FBXL7: variants seen among roughly 807,000 people sequenced by gnomAD.
The protein encoded by FBXL7 is F-box/LRR-repeat protein 7.
FBXL7 carries 12 observed loss-of-function variants against 38.3 expected under a neutral mutation model. That is an observed-to-expected ratio of 0.31 (90% CI 0.20 to 0.51). The LOEUF is 0.51. Ranked by LOEUF, FBXL7 falls within the 20% of genes least tolerant of loss-of-function variation. The pLI, the probability that FBXL7 is intolerant of heterozygous loss-of-function variation, is 0.98. For missense variants in FBXL7, 567 were observed against 676.4 expected (o/e 0.84, Z 1.79); for synonymous variants, 297 against 300.9 (o/e 0.99, Z 0.13).
intron 1 of FBXL7, among the ~76,000 whole-genome samples, chr5:15,543,911 G>A (rs1485659987): frequency 6.6e-6 from 1 of 152,160 alleles, no homozygotes; most frequent in East Asian, 1.9e-4. Context: ...CAGTTGATGA[G>A]GTAGGAGGCA....
At position 15,500,238 on chromosome 5, in the gene FBXL7, C is replaced by T. The variant is rs1158673151; in HGVS notation, c.-439C>T. 6.6e-6 allele frequency: 1 copy of T among 151,936 alleles called. No individual in the cohort carries two copies. Among genetic ancestry groups the T allele is most frequent in the Admixed American group, 6.6e-5 (1 of 15,256 alleles). The allele number at this position is 151,936 out of a possible 1,614,324, so 9.4% of individuals were successfully genotyped here. On this transcript the variant is annotated 5_prime_UTR_variant, in exon 1 of 4. Transcript: ENST00000504595. ...CCGCAACAAGTGGCCGCCGCGCCCT[C>T]CCCGGGGAAGCCGCGGGCGCGCAGG...
At chr5:15,634,647 A>T (rs1183852491) in intron 2 of FBXL7, among the ~76,000 whole-genome samples, 1 of 152,166 alleles carries the variant, frequency 6.6e-6, no homozygotes, top group Admixed American at 6.5e-5. Context: ...TGATGCTACT[A>T]TAACAAATGA....
At chr5:15,559,999 G>A (rs1240816048) in intron 1 of FBXL7, among the ~76,000 whole-genome samples, 1 of 152,122 alleles carries the variant, frequency 6.6e-6, no homozygotes, top group Non-Finnish European at 1.5e-5. Context: ...ATGATTGTTA[G>A]GTACATGCCT....
rs1049496926 is a variant in FBXL7 at position 15,500,372 on chromosome 5, T to C, written c.-305T>C. 5.1e-3 allele frequency: 839 copies of C among 164,310 alleles called. 9 individuals are homozygous for C. The highest frequency in any genetic ancestry group is 0.019 in the African/African-American group (808 of 41,548). The allele number at this position is 164,310 out of a possible 1,614,324, so 10.2% of individuals were successfully genotyped here. ...TGGGGACCCGGCGGCGGCGGCGCGG[T>C]GAGCCTCTGGGCGGCCCCGGGGCGC... On this transcript the variant is annotated 5_prime_UTR_variant, in exon 1 of 4. Transcript: ENST00000504595.
chr5:15,896,773 A>C (rs191588608), intron 2 of FBXL7, among the ~76,000 whole-genome samples: 52 of 152,094 alleles, frequency 3.4e-4, no homozygotes, highest in East Asian at 9.7e-4. Context: ...AAAAAAAAAA[A>C]CCCAGATTTG....
At chr5:15,610,133 G>A (rs1561050263) in intron 1 of FBXL7, among the ~76,000 whole-genome samples, 3 of 152,174 alleles carry the variant, frequency 2.0e-5, no homozygotes, top group South Asian at 2.1e-4. Flanking sequence ...CCCATGATTC[G>A]GTTATCTCCC....
chr5:15,722,232 T>C (rs1437060813), intron 2 of FBXL7, among the ~76,000 whole-genome samples: 2 of 152,180 alleles, frequency 1.3e-5, no homozygotes, highest in Non-Finnish European at 2.9e-5. Context: ...TTTTTTACTA[T>C]TATAAAAATA....
intron 2 of FBXL7, among the ~76,000 whole-genome samples, chr5:15,871,550 C>G (rs1485626466): frequency 6.6e-6 from 1 of 152,126 alleles, no homozygotes; most frequent in African/African-American, 2.4e-5. Context: ...AGCTAAGAAC[C>G]TTGATAAAAG....
At chr5:15,656,061 A>C (rs1741871845) in intron 2 of FBXL7, among the ~76,000 whole-genome samples, 1 of 152,216 alleles carries the variant, frequency 6.6e-6, no homozygotes, top group South Asian at 2.1e-4. Context: ...TTTATTTTAC[A>C]TAAAACATTT....
intron 1 of FBXL7, among the ~76,000 whole-genome samples, chr5:15,613,434 T>G (rs990608231): frequency 6.6e-6 from 1 of 152,126 alleles, no homozygotes; most frequent in Non-Finnish European, 1.5e-5. Flanking sequence ...CAAAGGCTGG[T>G]TAGGCAAAAA....
intron 2 of FBXL7, among the ~76,000 whole-genome samples, chr5:15,876,378 TC>T (rs1740207231): frequency 6.6e-6 from 1 of 151,904 alleles, no homozygotes; most frequent in African/African-American, 2.4e-5. Context: ...TACACATGTG[TC>T]CCAGAACTTA....
intron 2 of FBXL7, among the ~76,000 whole-genome samples, chr5:15,766,877 G>A (rs1440608591): frequency 6.6e-6 from 1 of 152,154 alleles, no homozygotes; most frequent in East Asian, 1.9e-4. Context: ...CTACCGTGAC[G>A]AGCAGAACAA....
intron 2 of FBXL7, among the ~76,000 whole-genome samples, chr5:15,637,628 TTAACTGCATTACATA>T (rs1215893806): frequency 4.6e-5 from 7 of 152,216 alleles, no homozygotes; most frequent in African/African-American, 1.7e-4. Context: ...AGGCATGGTT[TTAACTGCATTACATA>T]TATTCACTCA....
At chr5:15,749,109 G>A (rs1360505244) in intron 2 of FBXL7, among the ~76,000 whole-genome samples, 1 of 151,904 alleles carries the variant, frequency 6.6e-6, no homozygotes, top group Non-Finnish European at 1.5e-5. Flanking sequence ...GCCGGGCATG[G>A]TGGCACATGC....
At chr5:15,713,236 A>G (rs1743933386) in intron 2 of FBXL7, among the ~76,000 whole-genome samples, 1 of 152,212 alleles carries the variant, frequency 6.6e-6, no homozygotes, top group South Asian at 2.1e-4. Flanking sequence ...AGAATCAAGT[A>G]AAAGGGAAAC....
At chr5:15,918,533 TGAA>T (rs1741658575) in intron 2 of FBXL7, among the ~76,000 whole-genome samples, 1 of 152,228 alleles carries the variant, frequency 6.6e-6, no homozygotes, top group Non-Finnish European at 1.5e-5. Flanking sequence ...CTTAGCTGTA[TGAA>T]TATTCCCTTC....
intron 2 of FBXL7, among the ~76,000 whole-genome samples, chr5:15,687,568 A>T (rs1316902385): frequency 6.6e-6 from 1 of 152,232 alleles, no homozygotes. Flanking sequence ...ATTAGTTATA[A>T]TAACAATAAC....
At chr5:15,512,058 G>C (rs1046838504) in intron 1 of FBXL7, among the ~76,000 whole-genome samples, 1 of 152,092 alleles carries the variant, frequency 6.6e-6, no homozygotes, top group Admixed American at 6.6e-5. Context: ...TTTACTATTG[G>C]GAAGATCAGA....
intron 1 of FBXL7, among the ~76,000 whole-genome samples, chr5:15,611,105 T>C (rs570024284): frequency 1.3e-5 from 2 of 152,272 alleles, no homozygotes; most frequent in East Asian, 3.9e-4. Context: ...TATTTGAGAA[T>C]TTGCCTACTT....
Sources: allele counts gnomAD v4.1 joint callset (sites outside exome capture counted in the v4.1 genomes callset), GRCh38; gene constraint gnomAD v4.1.1; transcripts MANE v1.5; gene names NCBI Gene and HGNC (gene_info 2026-07-23, HGNC 2026-07-21).